PLEKHH2: variants seen among roughly 807,000 people sequenced by gnomAD.
PLEKHH2 encodes pleckstrin homology, MyTH4 and FERM domain containing H2.
PLEKHH2 carries 129 observed loss-of-function variants against 187.9 expected under a neutral mutation model. The ratio of observed to expected loss-of-function variants is 0.69; its 90% CI spans 0.59 to 0.79. PLEKHH2 has a LOEUF of 0.79. Among genes scored for constraint, PLEKHH2 ranks in the 30% least tolerant of loss-of-function variants. PLEKHH2 has a pLI of 0.00. For synonymous variants in PLEKHH2, 686 were observed against 605.6 expected (o/e 1.13, Z -1.95); for missense variants, 2,076 against 1,751.2 (o/e 1.19, Z -3.31).
chr2:43,710,514 G>A lies in PLEKHH2; in HGVS notation c.2240G>A (p.Gly747Asp), dbSNP rs1669907959. ...SPSDVIRKPQ[G>D]HIELSASCSI... Reference sequence around the variant, plus strand: ...AGTGATGTAATTAGAAAACCCCAGGGCCATATTGAACTTAGTGCATCCTGT... The same window carrying A: ...AGTGATGTAATTAGAAAACCCCAGGACCATATTGAACTTAGTGCATCCTGT... Residue 747 changes from glycine to aspartate, a missense_variant, in exon 14 of 30, where the codon GGC (glycine) becomes GAC (aspartate). Physicochemically the swap from Gly to Asp is moderately conservative, Grantham distance 94. Coordinates refer to ENST00000282406, the MANE Select transcript of PLEKHH2 (RefSeq NM_172069.4). 3 of 1,598,170 alleles carry A rather than the reference G, an allele frequency of 1.9e-6. No individual in the cohort carries two copies. In the South Asian group the frequency reaches 3.5e-5, roughly 19 times the overall value.
At chr2:43,760,427 A>G (rs1459612354) in intron 27 of PLEKHH2, among the ~76,000 whole-genome samples, 2 of 147,746 alleles carry the variant, frequency 1.4e-5, no homozygotes, top group East Asian at 2.0e-4. Flanking sequence ...CAGTGGTGCA[A>G]TCTTGACTCA....
At chr2:43,648,560 CGTGTGTGTGTGTGT>C (rs71410194) in intron 2 of PLEKHH2, among the ~76,000 whole-genome samples, 6 of 137,956 alleles carry the variant, frequency 4.3e-5, no homozygotes, top group Admixed American at 7.4e-5. Context: ...TAATTACATT[CGTGTGTGTGTGTGT>C]GTGTGTGTGT....
rs140514447 is a variant in PLEKHH2, at chr2:43,712,300, C to T, written c.2377C>T (p.Gln793Ter). The T allele has an allele frequency of 4.3e-6, 7 of 1,613,554 alleles. No individual in the cohort carries two copies. The highest frequency in any genetic ancestry group is 1.3e-5 in the African/African-American group (1 of 74,910). The change falls in exon 15 of 30, where the codon CAG (glutamine) becomes TAG (stop). Residue 793 changes from glutamine (Q) to a stop codon, truncating the protein, a stop_gained. Coordinates refer to ENST00000282406, the MANE Select transcript of PLEKHH2 (RefSeq NM_172069.4). LOFTEE classifies it high-confidence loss of function. Reference sequence around the variant, plus strand: ...ATTGGAAGAGTGGATTAAAGTGTTACAGAATGTTCTTCGAGTACAAGCTGC... The same window carrying T: ...ATTGGAAGAGTGGATTAAAGTGTTATAGAATGTTCTTCGAGTACAAGCTGC... Reference protein sequence around the residue: ...NILEEWIKVLQNVLRVQAANP... With the variant: ...NILEEWIKVL
In PLEKHH2 at chr2:43,695,128, A is replaced by G. The variant is rs768108023; in HGVS notation, c.421-15A>G. ...ATTATCTCTATATGAAAAGAATACC[A>G]TTATGTTCTCTTAGCTGGAATTGGA... On this transcript the variant is annotated splice_polypyrimidine_tract_variant and intron_variant, in intron 5 of 29. Coordinates refer to ENST00000282406, the MANE Select transcript of PLEKHH2 (RefSeq NM_172069.4). 6.7e-6 allele frequency: 10 copies of G among 1,492,694 alleles called. No homozygotes were observed. Among genetic ancestry groups the G allele is most frequent in the Non-Finnish European group, 1.8e-6 (2 of 1,083,474 alleles). 92.5% of individuals were successfully genotyped at this position (1,492,694 alleles called of 1,614,324 possible). A position where few individuals can be genotyped will look rare whatever the true frequency, so the allele number is the denominator to read the frequency against.
intron 11 of PLEKHH2, 43 bp downstream of exon 11, chr2:43,707,588 C>A: frequency 3.7e-6 from 6 of 1,600,016 alleles, no homozygotes; most frequent in Non-Finnish European, 4.3e-6. Flanking sequence ...CCAGATCATT[C>A]TGAATATTAA....
At chr2:43,728,895 A>T (rs1241181900) in intron 17 of PLEKHH2, among the ~76,000 whole-genome samples, 1 of 152,146 alleles carries the variant, frequency 6.6e-6, no homozygotes, top group Non-Finnish European at 1.5e-5. Context: ...TTTATTTTTG[A>T]AGTATTTTAA....
intron 15 of PLEKHH2, among the ~76,000 whole-genome samples, chr2:43,714,461 A>C (rs1323892907): frequency 6.6e-6 from 1 of 152,124 alleles, no homozygotes; most frequent in Admixed American, 6.5e-5. Flanking sequence ...TCCCTCAGTT[A>C]TTCTGAGTGA....
chr2:43,649,079 G>T (rs1666343263), intron 2 of PLEKHH2, among the ~76,000 whole-genome samples: 1 of 152,098 alleles, frequency 6.6e-6, no homozygotes, highest in African/African-American at 2.4e-5. Flanking sequence ...CAGTTTCCAA[G>T]TAACTTAGAA....
intron 19 of PLEKHH2, among the ~76,000 whole-genome samples, chr2:43,732,647 T>G (rs547989016): frequency 6.6e-6 from 1 of 152,348 alleles, no homozygotes; most frequent in East Asian, 1.9e-4. Flanking sequence ...TTTTTTACTC[T>G]TCCACTTTTT....
chr2:43,738,592 A>C, intron 20 of PLEKHH2, 72 bp downstream of exon 20: 2 of 1,377,584 alleles, frequency 1.5e-6, no homozygotes, highest in South Asian at 1.5e-5. Flanking sequence ...AATGATACAC[A>C]TTCAGCATAG....
At chr2:43,648,716 C>T (rs185077535) in intron 2 of PLEKHH2, among the ~76,000 whole-genome samples, 1 of 151,682 alleles carries the variant, frequency 6.6e-6, no homozygotes, top group Non-Finnish European at 1.5e-5. Context: ...AAGTAGCTGG[C>T]ATTACAGTCA....
intron 2 of PLEKHH2, among the ~76,000 whole-genome samples, chr2:43,660,490 T>TGGAAA (rs1249755139): frequency 6.8e-6 from 1 of 146,356 alleles, no homozygotes; most frequent in African/African-American, 2.7e-5. Context: ...TTTTTATACT[T>TGGAAA]TAAGTTTTAG....
intron 17 of PLEKHH2, among the ~76,000 whole-genome samples, chr2:43,729,198 GA>G (rs906235443): frequency 1.3e-5 from 2 of 152,142 alleles, no homozygotes; most frequent in Admixed American, 6.5e-5. Flanking sequence ...TTATCATAGA[GA>G]AAAAAAGACC....
At chr2:43,720,609 T>C (rs1670434969) in intron 15 of PLEKHH2, 60 bp from the exon 16 acceptor site, 2 of 1,590,366 alleles carry the variant, frequency 1.3e-6, no homozygotes, top group Non-Finnish European at 1.7e-6. Context: ...GTGTATAAGC[T>C]ATAATTTAAG....
chr2:43,759,170 T>A, intron 27 of PLEKHH2, 141 bp downstream of exon 27: 2 of 1,297,778 alleles, frequency 1.5e-6, no homozygotes, highest in African/African-American at 1.5e-5. Flanking sequence ...GAAGAGACAC[T>A]AGAGAAAGGG....
chr2:43,733,779 G>A (rs1445677434), intron 19 of PLEKHH2, among the ~76,000 whole-genome samples: 1 of 151,944 alleles, frequency 6.6e-6, no homozygotes, highest in African/African-American at 2.4e-5. Flanking sequence ...CTGGGTGATG[G>A]GTACATGGGT....
chr2:43,737,343 A>G (rs929582118), intron 19 of PLEKHH2, among the ~76,000 whole-genome samples: 22 of 152,252 alleles, frequency 1.4e-4, no homozygotes, highest in Non-Finnish European at 7.3e-5. Flanking sequence ...AGAAAAAGTA[A>G]TCATAGAAAC....
At chr2:43,693,329 G>T (rs1668915122) in intron 4 of PLEKHH2, among the ~76,000 whole-genome samples, 1 of 152,158 alleles carries the variant, frequency 6.6e-6, no homozygotes, top group African/African-American at 2.4e-5. Context: ...TTGTTAGAAT[G>T]TTGGAAATGT....
chr2:43,730,978 A>G (rs1169933214), intron 18 of PLEKHH2, among the ~76,000 whole-genome samples: 1 of 152,192 alleles, frequency 6.6e-6, no homozygotes, highest in East Asian at 1.9e-4. Context: ...AAGCAACGTG[A>G]TAGTGCCCTG....
Sources: allele counts gnomAD v4.1 joint callset (sites outside exome capture counted in the v4.1 genomes callset), GRCh38; gene constraint gnomAD v4.1.1; transcripts MANE v1.5; gene names NCBI Gene and HGNC (gene_info 2026-07-23, HGNC 2026-07-21).